ADAMTS17: variants seen among roughly 807,000 people sequenced by gnomAD.
ADAMTS17 encodes the protein ADAM metallopeptidase with thrombospondin type 1 motif 17.
ADAMTS17 carries 113 observed loss-of-function variants against 141.5 expected under a neutral mutation model. The ratio of observed to expected loss-of-function variants is 0.80; its 90% CI spans 0.69 to 0.93. ADAMTS17 has a LOEUF of 0.93. Among genes scored for constraint, ADAMTS17 ranks in the 40% least tolerant of loss-of-function variants. The pLI, the probability that ADAMTS17 is intolerant of heterozygous loss-of-function variation, is 0.00. For missense variants in ADAMTS17, 1,659 were observed against 1,517.9 expected, an observed-to-expected ratio of 1.09 and a Z score of -1.54; for synonymous variants, 768 against 630.6, an observed-to-expected ratio of 1.22 and a Z score of -3.27.
At chr15:100,160,263 A>G (rs147160425) in intron 8 of ADAMTS17, among the ~76,000 whole-genome samples, 250 of 152,328 alleles carry the variant, frequency 1.6e-3, no homozygotes, top group African/African-American at 5.8e-3. Flanking sequence ...GAACTTTTCA[A>G]ACCTGGGGCA....
intron 3 of ADAMTS17, among the ~76,000 whole-genome samples, chr15:100,316,689 TTAA>T (rs1486571221): frequency 6.6e-6 from 1 of 152,234 alleles, no homozygotes; most frequent in Non-Finnish European, 1.5e-5. Flanking sequence ...ACCTTACATT[TTAA>T]TAATACTTTC....
At chr15:100,315,556 C>T (rs1041554210) in intron 3 of ADAMTS17, among the ~76,000 whole-genome samples, 2 of 152,190 alleles carry the variant, frequency 1.3e-5, no homozygotes, top group African/African-American at 4.8e-5. Context: ...CAGAAGCCTG[C>T]CAGCTGTGAT....
At chr15:100,132,269 T>A in intron 11 of ADAMTS17, 117 bp from the exon 12 acceptor site, 3 of 1,386,604 alleles carry the variant, frequency 2.2e-6, no homozygotes, top group Non-Finnish European at 2.9e-6. Flanking sequence ...TACATAAAGG[T>A]ACAGTCTATT....
chr15:100,292,397 CGA>C (rs1410554894), intron 3 of ADAMTS17, among the ~76,000 whole-genome samples: 7 of 137,566 alleles, frequency 5.1e-5, no homozygotes, highest in African/African-American at 1.7e-4. Context: ...TGTGAAATTA[CGA>C]GAGACACTCA....
intron 17 of ADAMTS17, among the ~76,000 whole-genome samples, chr15:100,051,214 A>G (rs142328098): frequency 6.6e-6 from 1 of 152,304 alleles, no homozygotes; most frequent in Non-Finnish European, 1.5e-5. Flanking sequence ...GGGCAGAGAC[A>G]TGCTCTGGTG....
intron 10 of ADAMTS17, among the ~76,000 whole-genome samples, chr15:100,138,692 T>A (rs552293235): frequency 6.6e-6 from 1 of 151,972 alleles, no homozygotes; most frequent in Non-Finnish European, 1.5e-5. Flanking sequence ...AAGGAGAGAA[T>A]AGAAAGAGTT....
chr15:100,109,983 C>A (rs1278070246), intron 13 of ADAMTS17, among the ~76,000 whole-genome samples: 1 of 151,792 alleles, frequency 6.6e-6, no homozygotes, highest in Non-Finnish European at 1.5e-5. Context: ...TTGGGCACCT[C>A]CCATATCTGA....
At chr15:100,230,932 G>C (rs537606277) in intron 7 of ADAMTS17, among the ~76,000 whole-genome samples, 2 of 152,146 alleles carry the variant, frequency 1.3e-5, no homozygotes, top group African/African-American at 2.4e-5. Flanking sequence ...CAGCCCACGG[G>C]GGGAGGAGAC....
chr15:100,261,676 G>A (rs1329171870), intron 5 of ADAMTS17, 40 bp from the exon 6 acceptor site: 4 of 1,596,852 alleles, frequency 2.5e-6, no homozygotes, highest in African/African-American at 1.3e-5. Context: ...ACAAACGCCT[G>A]GGAGGCCAGA....
chr15:100,161,051 G>A (rs1179708004), intron 8 of ADAMTS17, among the ~76,000 whole-genome samples: 1 of 152,218 alleles, frequency 6.6e-6, no homozygotes, highest in Non-Finnish European at 1.5e-5. Context: ...TTCAGTGACT[G>A]TGGGGCTGAG....
chr15:100,004,621 T>G (rs1283971021), intron 18 of ADAMTS17, among the ~76,000 whole-genome samples: 8 of 37,788 alleles, frequency 2.1e-4, no homozygotes, highest in African/African-American at 5.6e-4. Context: ...GTAATTCTTT[T>G]TTTTTTTTTT....
chr15:100,155,446 G>A lies in ADAMTS17; in HGVS notation c.1182-126C>T. 3.0e-6 allele frequency: 4 copies of A among 1,332,470 alleles called. No individual in the cohort carries two copies. The South Asian group carries it at 5.1e-5, about 17-fold the overall frequency. The allele number at this position is 1,332,470 out of a possible 1,614,324, so 82.5% of individuals were successfully genotyped here. A position where few individuals can be genotyped will look rare whatever the true frequency, so the allele number is the denominator to read the frequency against. ...CAAAAACGGACGTAACGTGAAAGTG[G>A]TTCTCACACAGCAGACCCACAGTCA... On this transcript the variant is annotated intron_variant, in intron 8 of 21. Coordinates refer to ENST00000268070, the MANE Select transcript of ADAMTS17 (RefSeq NM_139057.4).
intron 2 of ADAMTS17, 170 bp downstream of exon 2, chr15:100,340,869 G>A (rs1037284332): frequency 3.6e-5 from 38 of 1,048,636 alleles, no homozygotes; most frequent in Non-Finnish European, 5.1e-5. Flanking sequence ...CCTATAGAGG[G>A]TACCGAAGGC....
intron 10 of ADAMTS17, among the ~76,000 whole-genome samples, chr15:100,142,038 G>A (rs1434406122): frequency 6.6e-6 from 1 of 152,218 alleles, no homozygotes; most frequent in Admixed American, 6.5e-5. Context: ...TAACTAAGCT[G>A]GATGGAAGAA....
intron 7 of ADAMTS17, among the ~76,000 whole-genome samples, chr15:100,200,184 A>G (rs1393856749): frequency 1.3e-5 from 2 of 152,136 alleles, no homozygotes. Context: ...TGAACCACAC[A>G]CACCAGGAGA....
intron 18 of ADAMTS17, among the ~76,000 whole-genome samples, chr15:100,037,512 G>A (rs2030853630): frequency 6.6e-6 from 1 of 151,482 alleles, no homozygotes; most frequent in African/African-American, 2.4e-5. Flanking sequence ...TGGGGCTCAA[G>A]CCATTCTCAT....
At chr15:100,080,137 C>A (rs2034635612) in intron 15 of ADAMTS17, among the ~76,000 whole-genome samples, 1 of 152,156 alleles carries the variant, frequency 6.6e-6, no homozygotes, top group Non-Finnish European at 1.5e-5. Flanking sequence ...CCCTAGTGAT[C>A]CCCTAGCAAA....
Position 100,131,516 on chromosome 15 carries a change from T to A in ADAMTS17, c.1721+491A>T, listed in dbSNP as rs560202809. Among the ~76,000 whole-genome samples the A allele has an allele frequency of 2.6e-5, 4 of 151,350 alleles. No homozygotes were observed. The South Asian group carries it at 8.4e-4, about 32-fold the overall frequency. Reference sequence around the variant, plus strand: ...AGGAAAGGTCATGGTGTCATTAGAGTCAATAAAAAGAAGCCAAAGAGAAAA... The same window carrying A: ...AGGAAAGGTCATGGTGTCATTAGAGACAATAAAAAGAAGCCAAAGAGAAAA... On this transcript the variant is annotated intron_variant, in intron 12 of 21. Coordinates refer to ENST00000268070, the MANE Select transcript of ADAMTS17 (RefSeq NM_139057.4).
Position 100,341,953 on chromosome 15 carries a change from T to C in ADAMTS17, c.-54A>G, listed in dbSNP as rs573050200. 48 of 1,530,464 alleles carry C rather than the reference T, an allele frequency of 3.1e-5. No homozygotes were observed. The South Asian group carries it at 3.5e-4, about 11-fold the overall frequency. 94.8% of individuals were successfully genotyped at this position (1,530,464 alleles called of 1,614,324 possible). A position where few individuals can be genotyped will look rare whatever the true frequency, so the allele number is the denominator to read the frequency against. On this transcript the variant is annotated 5_prime_UTR_variant, in exon 1 of 22. Transcript: ENST00000268070. ...CCGTGGCGGCGAAGCAGGAGCGCGCTAGGCGGCGGCGCCAGCCGGAGTGAA... is the reference window on the plus strand; with the variant it reads ...CCGTGGCGGCGAAGCAGGAGCGCGCCAGGCGGCGGCGCCAGCCGGAGTGAA...
Sources: gnomAD v4.1 joint callset for allele counts (sites outside exome capture counted in the v4.1 genomes callset) on GRCh38, gnomAD v4.1.1 for gene constraint, MANE v1.5 for transcripts, NCBI Gene and HGNC (gene_info 2026-07-23, HGNC 2026-07-21) for gene names.